SGCZ: variants seen among roughly 807,000 people sequenced by gnomAD.
SGCZ encodes sarcoglycan zeta, also known as zeta-sarcoglycan.
In SGCZ, 40 loss-of-function variants were observed where a neutral mutation model predicts 41.3. The observed-to-expected ratio is 0.97, with a 90% confidence interval of 0.75 to 1.26. The LOEUF (loss-of-function observed/expected upper bound fraction) is 1.26. Among genes scored for constraint, SGCZ ranks in the 50% most tolerant of loss-of-function variants. The pLI is 0.00. For missense variants in SGCZ, 552 were observed against 369.8 expected, an observed-to-expected ratio of 1.49 and a Z score of -4.04; for synonymous variants, 206 against 137.5, an observed-to-expected ratio of 1.50 and a Z score of -3.49.
chr8:14,324,100 T>C lies in SGCZ; in HGVS notation c.336+3A>G. The C allele has an allele frequency of 6.2e-7, 1 of 1,602,440 alleles. No individual in the cohort carries two copies. The highest frequency in any genetic ancestry group is 8.5e-7 in the Non-Finnish European group (1 of 1,170,506). On this transcript the variant is annotated splice_donor_region_variant and intron_variant, in intron 3 of 7. Coordinates refer to ENST00000382080, the MANE Select transcript of SGCZ (RefSeq NM_139167.4). ...AGAGTAAGCCAAAGCCAGTATCACA[T>C]ACCTTTCGAGAATGAATTTCTTTCA...
intron 1 of SGCZ, among the ~76,000 whole-genome samples, chr8:15,173,542 T>C (rs1799911736): frequency 6.6e-6 from 1 of 152,228 alleles, no homozygotes; most frequent in Admixed American, 6.5e-5. Flanking sequence ...TATATTATAA[T>C]ATGTAGTATG....
chr8:14,192,766 A>G, intron 4 of SGCZ, among the ~76,000 whole-genome samples: 1 of 152,092 alleles, frequency 6.6e-6, no homozygotes, highest in East Asian at 1.9e-4. Context: ...AACAATGGAA[A>G]GTTTTCATGG....
chr8:14,770,432 G>A (rs1235663131), intron 1 of SGCZ, among the ~76,000 whole-genome samples: 5 of 151,638 alleles, frequency 3.3e-5, no homozygotes, highest in African/African-American at 4.8e-5. Flanking sequence ...TATATTATTT[G>A]GGGGTGGGGG....
chr8:14,415,586 G>C (rs1231899057), intron 2 of SGCZ, among the ~76,000 whole-genome samples: 6 of 152,106 alleles, frequency 3.9e-5, no homozygotes, highest in Admixed American at 3.3e-4. Flanking sequence ...AAGTGAGACA[G>C]TTGACATCTT....
chr8:14,443,455 A>T (rs936590958), intron 2 of SGCZ, among the ~76,000 whole-genome samples: 82 of 152,274 alleles, frequency 5.4e-4, no homozygotes, highest in Non-Finnish European at 2.4e-4. Context: ...ACTGGTACCA[A>T]AACAGAGATA....
At position 14,332,912 on chromosome 8, in the gene SGCZ, CACATATATAT is replaced by C. The variant is rs201069722; in HGVS notation, c.235-8718_235-8709del. ...ATATGTGTGTCTATATATCTATACA[CACATATATAT>C]ACATATATATACATATATGTGTATA... On this transcript the variant is annotated intron_variant, in intron 2 of 7. Coordinates refer to ENST00000382080, the MANE Select transcript of SGCZ (RefSeq NM_139167.4). Among the ~76,000 whole-genome samples, 258 of 142,632 alleles carry C rather than the reference CACATATATAT, an allele frequency of 1.8e-3. 2 individuals carry two copies. In the East Asian group the frequency reaches 0.031, roughly 17 times the overall value. The allele number at this position is 142,632 out of a possible 152,430, so 93.6% of individuals were successfully genotyped here.
chr8:14,209,599 T>C lies in SGCZ; in HGVS notation c.424+27993A>G, dbSNP rs866003662. Among the ~76,000 whole-genome samples, 5 of 152,308 alleles carry C rather than the reference T, an allele frequency of 3.3e-5. 1 individual carries two copies. In the Middle Eastern group the frequency reaches 0.01, roughly 311 times the overall value. On this transcript the variant is annotated intron_variant, in intron 4 of 7. Coordinates refer to ENST00000382080, the MANE Select transcript of SGCZ (RefSeq NM_139167.4). ...AATTATGTTTTCGAAGAATATTTAA[T>C]ATAGGACATGTTCATATTATATTAA...
chr8:15,164,462 C>A (rs942442315), intron 1 of SGCZ, among the ~76,000 whole-genome samples: 1 of 152,104 alleles, frequency 6.6e-6, no homozygotes, highest in Non-Finnish European at 1.5e-5. Flanking sequence ...GTCCCCGCCA[C>A]GTGCTGCTGC....
intron 1 of SGCZ, among the ~76,000 whole-genome samples, chr8:14,593,005 C>T (rs369801337): frequency 1.4e-4 from 22 of 152,284 alleles, no homozygotes; most frequent in Non-Finnish European, 2.1e-4. Flanking sequence ...GACTTAGTGC[C>T]TTTACATTGG....
intron 2 of SGCZ, among the ~76,000 whole-genome samples, chr8:14,348,739 C>G (rs1802981093): frequency 6.6e-6 from 1 of 152,106 alleles, no homozygotes; most frequent in South Asian, 2.1e-4. Flanking sequence ...AGAACATAAT[C>G]TATATTCTCA....
chr8:14,689,963 T>G (rs1808745044), intron 1 of SGCZ, among the ~76,000 whole-genome samples: 1 of 152,112 alleles, frequency 6.6e-6, no homozygotes, highest in Non-Finnish European at 1.5e-5. Context: ...TGTGATAAAG[T>G]CACAAAGAAT....
intron 1 of SGCZ, among the ~76,000 whole-genome samples, chr8:15,109,403 C>T (rs1806958573): frequency 6.6e-6 from 1 of 152,004 alleles, no homozygotes; most frequent in African/African-American, 2.4e-5. Flanking sequence ...GTACTTATTT[C>T]AAGTATAGCT....
chr8:14,449,950 G>A (rs532313729), intron 2 of SGCZ, among the ~76,000 whole-genome samples: 4 of 152,222 alleles, frequency 2.6e-5, no homozygotes, highest in African/African-American at 9.6e-5. Context: ...ACAATATAAT[G>A]TGAAGAATAC....
chr8:14,489,560 T>C (rs900813676), intron 2 of SGCZ, among the ~76,000 whole-genome samples: 2 of 152,020 alleles, frequency 1.3e-5, no homozygotes, highest in Non-Finnish European at 1.5e-5. Flanking sequence ...ATGGTCTGGC[T>C]TTTTTAACCC....
rs1563123883 is a variant in SGCZ, at chr8:15,097,824, ATATATATATACGTGTGTG to A, written c.39+139743_39+139760del. ...TGTATATATATATATACGTGTGTGT[ATATATATATACGTGTGTG>A]TATATATATATATACGTGTGTGTGT... On this transcript the variant is annotated intron_variant, in intron 1 of 7. Coordinates refer to ENST00000382080, the MANE Select transcript of SGCZ (RefSeq NM_139167.4). 4.0e-3 allele frequency among the ~76,000 whole-genome samples: 317 copies of A among 78,464 alleles called. 9 individuals are homozygous for A. Among genetic ancestry groups the A allele is most frequent in the African/African-American group, 0.014 (259 of 19,002 alleles). 51.5% of individuals were successfully genotyped at this position (78,464 alleles called of 152,430 possible). A position where few individuals can be genotyped will look rare whatever the true frequency, so the allele number is the denominator to read the frequency against.
intron 1 of SGCZ, among the ~76,000 whole-genome samples, chr8:14,572,745 G>C (rs1447405768): frequency 1.3e-5 from 2 of 152,018 alleles, no homozygotes; most frequent in Non-Finnish European, 2.9e-5. Flanking sequence ...CTCTCTTTTA[G>C]TAATGAACAA....
intron 1 of SGCZ, among the ~76,000 whole-genome samples, chr8:14,806,344 A>G (rs1315396780): frequency 1.3e-5 from 2 of 150,572 alleles, no homozygotes; most frequent in Admixed American, 6.6e-5. Context: ...CAAGACTAAT[A>G]AAGAAAAAAA....
chr8:14,318,625 G>A (rs1159011836), intron 3 of SGCZ, among the ~76,000 whole-genome samples: 1 of 151,892 alleles, frequency 6.6e-6, no homozygotes, highest in Non-Finnish European at 1.5e-5. Context: ...CTACAGGAGA[G>A]AAAGTGCAGC....
At chr8:14,366,441 C>G (rs1208983871) in intron 2 of SGCZ, among the ~76,000 whole-genome samples, 1 of 152,140 alleles carries the variant, frequency 6.6e-6, no homozygotes, top group Non-Finnish European at 1.5e-5. Context: ...ATTATCCAAT[C>G]ACTTCCAACC....
Sources: gnomAD v4.1 joint callset for allele counts (sites outside exome capture counted in the v4.1 genomes callset) on GRCh38, gnomAD v4.1.1 for gene constraint, MANE v1.5 for transcripts, NCBI Gene and HGNC (gene_info 2026-07-23, HGNC 2026-07-21) for gene names.